The following RAD51B variants were observed in gnomAD, a reference collection of about 807,000 sequenced individuals.
The protein encoded by RAD51B is RAD51 paralog B.
In RAD51B, 38 loss-of-function variants were observed where a neutral mutation model predicts 42.2. The observed-to-expected ratio is 0.90, with a 90% CI of 0.70 to 1.18. The LOEUF (loss-of-function observed/expected upper bound fraction) is 1.18. RAD51B is among the 50% of genes most tolerant of loss of function. The pLI, the probability that RAD51B is intolerant of heterozygous loss-of-function variation, is 0.00. For synonymous variants in RAD51B, 154 were observed against 145.2 expected, an observed-to-expected ratio of 1.06 and a Z score of -0.43; for missense variants, 373 against 400.7, an observed-to-expected ratio of 0.93 and a Z score of 0.59.
intron 7 of RAD51B, among the ~76,000 whole-genome samples, chr14:67,952,053 A>C (rs963588967): frequency 3.3e-5 from 5 of 152,182 alleles, no homozygotes; most frequent in South Asian, 2.1e-4. Context: ...CACTGTTTCC[A>C]GTGAAGATTA....
intron 7 of RAD51B, among the ~76,000 whole-genome samples, chr14:68,128,431 A>G (rs778940228): frequency 2.0e-5 from 3 of 152,158 alleles, no homozygotes; most frequent in Non-Finnish European, 4.4e-5. Flanking sequence ...CCAGTGGCTC[A>G]CTCGTATAAT....
chr14:68,351,896 G>A (rs986310633), intron 8 of RAD51B, among the ~76,000 whole-genome samples: 1 of 152,198 alleles, frequency 6.6e-6, no homozygotes, highest in African/African-American at 2.4e-5. Context: ...TGGGTGAAGA[G>A]GGACCCCTGC....
intron 8 of RAD51B, among the ~76,000 whole-genome samples, chr14:68,327,805 A>G (rs28460083): frequency 0.15 from 22,135 of 152,112 alleles, 2,389 homozygotes; most frequent in African/African-American, 0.31. Context: ...AAAAGGAAAA[A>G]TAAACTGGAA....
chr14:68,181,831 G>A (rs2079065845), intron 7 of RAD51B, among the ~76,000 whole-genome samples: 1 of 152,168 alleles, frequency 6.6e-6, no homozygotes, highest in Non-Finnish European at 1.5e-5. Flanking sequence ...AAAGGGTTAT[G>A]TCCTCAGAAT....
chr14:68,176,922 C>T (rs1273235522), intron 7 of RAD51B, among the ~76,000 whole-genome samples: 1 of 152,080 alleles, frequency 6.6e-6, no homozygotes, highest in East Asian at 1.9e-4. Context: ...TGCACTATGC[C>T]AAGATGGAGT....
At chr14:68,120,665 G>T (rs73286265) in intron 7 of RAD51B, among the ~76,000 whole-genome samples, 2,738 of 152,100 alleles carry the variant, frequency 0.018, 91 homozygotes, top group African/African-American at 0.062. Flanking sequence ...CCAACTGAGG[G>T]TGTCACCCTT....
At chr14:68,068,427 G>A (rs896311437) in intron 7 of RAD51B, among the ~76,000 whole-genome samples, 5 of 152,102 alleles carry the variant, frequency 3.3e-5, no homozygotes, top group African/African-American at 9.7e-5. Context: ...TCATGTTTTA[G>A]TATTTATCAG....
chr14:68,615,384 C>T (rs111507303), downstream of RAD51B, among the ~76,000 whole-genome samples: 3,121 of 151,474 alleles, frequency 0.021, 51 homozygotes, highest in Non-Finnish European at 0.03. Context: ...CTCGCTCTGT[C>T]GCCCAGGCTG....
chr14:68,016,194 A>G (rs984330895), intron 7 of RAD51B, among the ~76,000 whole-genome samples: 2 of 152,172 alleles, frequency 1.3e-5, no homozygotes, highest in Admixed American at 6.6e-5. Flanking sequence ...GCTTTTTATA[A>G]GCAAATACGG....
At chr14:68,079,107 C>A (rs985081021) in intron 7 of RAD51B, among the ~76,000 whole-genome samples, 1 of 152,140 alleles carries the variant, frequency 6.6e-6, no homozygotes, top group Non-Finnish European at 1.5e-5. Flanking sequence ...TCTCTCTGAC[C>A]TTAGAACCAT....
intron 10 of RAD51B, among the ~76,000 whole-genome samples, chr14:68,500,489 G>A (rs1884843229): frequency 6.6e-6 from 1 of 152,238 alleles, no homozygotes; most frequent in Non-Finnish European, 1.5e-5. Context: ...GTAGCACCCA[G>A]CTGTCAGATG....
chr14:67,864,061 A>G (rs775733870), intron 4 of RAD51B, among the ~76,000 whole-genome samples: 1 of 143,498 alleles, frequency 7.0e-6, no homozygotes, highest in African/African-American at 2.6e-5. Flanking sequence ...GAGAGAGAGA[A>G]AGAGAAAGTG....
chr14:68,408,073 A>G (rs1182886208), intron 8 of RAD51B, among the ~76,000 whole-genome samples: 2 of 152,206 alleles, frequency 1.3e-5, no homozygotes, highest in Non-Finnish European at 2.9e-5. Context: ...CCACAGCAGC[A>G]CAGACAACAG....
intron 8 of RAD51B, among the ~76,000 whole-genome samples, chr14:68,324,276 AC>A (rs1215119272): frequency 6.6e-6 from 1 of 152,082 alleles, no homozygotes; most frequent in African/African-American, 2.4e-5. Flanking sequence ...TCTATACCCA[AC>A]CCGCACATCT....
At chr14:67,912,943 A>G (rs1307093394) in intron 7 of RAD51B, among the ~76,000 whole-genome samples, 1 of 152,020 alleles carries the variant, frequency 6.6e-6, no homozygotes, top group African/African-American at 2.4e-5. Flanking sequence ...TGACCTTGTA[A>G]TCTGCCCGAC....
intron 10 of RAD51B, among the ~76,000 whole-genome samples, chr14:68,507,262 C>A (rs1885399264): frequency 6.6e-6 from 1 of 152,150 alleles, no homozygotes; most frequent in Admixed American, 6.5e-5. Context: ...TCTGCTCGGG[C>A]CAGTGGCAGC....
intron 10 of RAD51B, among the ~76,000 whole-genome samples, chr14:68,508,941 T>C (rs1033393027): frequency 6.6e-6 from 1 of 152,248 alleles, no homozygotes; most frequent in African/African-American, 2.4e-5. Flanking sequence ...GCACCACTTG[T>C]GGCTCTCCAT....
intron 7 of RAD51B, among the ~76,000 whole-genome samples, chr14:68,059,382 C>A (rs1216229781): frequency 6.6e-6 from 1 of 152,170 alleles, no homozygotes; most frequent in Non-Finnish European, 1.5e-5. Flanking sequence ...CGTTGACCTT[C>A]AAGACACAAT....
chr14:68,574,750 A>G lies in RAD51B; in HGVS notation c.1037-19735A>G, dbSNP rs969093261. On this transcript the variant is annotated intron_variant, in intron 10 of 10. Coordinates refer to the RAD51B transcript ENST00000487270. The stretch of plus-strand genomic sequence containing the variant: ...CCCCATCACCCTTCTCCAACAGAAA[A>G]TAGTTTATTTTTATTTTTTCATGGC... Among the ~76,000 whole-genome samples the G allele has an allele frequency of 2.6e-5, 4 of 152,174 alleles. No homozygotes were observed. The South Asian group carries it at 8.3e-4, about 32-fold the overall frequency.
Sources: allele counts gnomAD v4.1 joint callset (sites outside exome capture counted in the v4.1 genomes callset), GRCh38; gene constraint gnomAD v4.1.1; transcripts MANE v1.5; gene names NCBI Gene and HGNC (gene_info 2026-07-23, HGNC 2026-07-21).